Variants in NSMCE1 observed in about 807,000 individuals in gnomAD.
The protein encoded by NSMCE1 is non-structural maintenance of chromosomes element 1 homolog.
A neutral mutation model predicts 29.6 loss-of-function variants in NSMCE1; 18 were observed. That is an observed-to-expected ratio of 0.61 (90% CI 0.42 to 0.90). The LOEUF (loss-of-function observed/expected upper bound fraction) is 0.90, where lower values mean the gene tolerates loss of function less well. NSMCE1 is among the 40% of genes least tolerant of loss of function. NSMCE1 has a pLI of 0.00. For missense variants in NSMCE1, 314 were observed against 343.6 expected (o/e 0.91, Z 0.68); for synonymous variants, 124 against 133.4 (o/e 0.93, Z 0.49).
At chr16:27,236,186 G>C (rs985299960) in intron 2 of NSMCE1, among the ~76,000 whole-genome samples, 1 of 152,178 alleles carries the variant, frequency 6.6e-6, no homozygotes, top group South Asian at 2.1e-4. Context: ...ACAGGAGCCC[G>C]TGGCCGGGGA....
At position 27,229,904 on chromosome 16, in the gene NSMCE1, A is replaced by G. The variant is rs527284272; in HGVS notation, c.484-3068T>C. Among the ~76,000 whole-genome samples the G allele has an allele frequency of 3.9e-5, 6 of 152,282 alleles. No homozygotes were observed. The South Asian group carries it at 8.3e-4, about 21-fold the overall frequency. ...AAGCTGCATTTACTGAACACCTGCT[A>G]TGTGCCTGAAACTGCACCCAAGGCT... is the stretch of plus-strand genomic sequence containing the variant. On this transcript the variant is annotated intron_variant, in intron 5 of 7. Coordinates refer to ENST00000361439, the MANE Select transcript of NSMCE1 (RefSeq NM_145080.4).
intron 4 of NSMCE1, chr16:27,233,847 C>T (rs1325392068): frequency 3.4e-6 from 1 of 292,130 alleles, no homozygotes; most frequent in Non-Finnish European, 6.4e-6. Context: ...TTCTAACAAG[C>T]TCCCAGGCGA....
At position 27,232,195 on chromosome 16, in the gene NSMCE1, A is replaced by G. The variant is rs1265985095; in HGVS notation, c.483+806T>C. Among the ~76,000 whole-genome samples the G allele has an allele frequency of 6.6e-6, 1 of 152,174 alleles. No individual in the cohort carries two copies. The highest frequency in any genetic ancestry group is 6.5e-5 in the Admixed American group (1 of 15,276). On this transcript the variant is annotated intron_variant, in intron 5 of 7. Coordinates refer to ENST00000361439, the MANE Select transcript of NSMCE1 (RefSeq NM_145080.4). The surrounding 1 kb of genome is among the most constrained non-coding windows in gnomAD (Gnocchi z 4.5). ...CCGACCACCAAGTGAGGAAGCGGGG[A>G]CCCGGCGTGAGTGCGTCCTCAACAC...
intron 1 of NSMCE1, among the ~76,000 whole-genome samples, chr16:27,264,567 T>C (rs996873178): frequency 6.6e-6 from 1 of 152,136 alleles, no homozygotes; most frequent in African/African-American, 2.4e-5. Flanking sequence ...CAGGAAAACT[T>C]GTTATCCATA....
chr16:27,225,240 TAGACAGAAA>T lies in NSMCE1; in HGVS notation c.722-13_722-5del. The T allele has an allele frequency of 6.3e-7, 1 of 1,588,242 alleles. No individual in the cohort carries two copies. The highest frequency in any genetic ancestry group is 1.1e-5 in the South Asian group (1 of 88,808). On this transcript the variant is annotated splice_polypyrimidine_tract_variant and splice_region_variant and intron_variant, in intron 7 of 7. Coordinates refer to ENST00000361439, the MANE Select transcript of NSMCE1 (RefSeq NM_145080.4). ...TCCTTCTCAGGGTCGAAGACTTCTGTAGACAGAAAAGGCAGGAAAGACACAGTGAATGGA... is the reference window on the plus strand; with the variant it reads ...TCCTTCTCAGGGTCGAAGACTTCTGTAGGCAGGAAAGACACAGTGAATGGA...
chr16:27,225,201 C>G lies in NSMCE1; in HGVS notation c.757G>C (p.Val253Leu), dbSNP rs1157996756. ...FDPEKERESGVLKSNKKSLRS... is the reference protein window; with the variant it reads ...FDPEKERESGLLKSNKKSLRS... ...AGGGACTTTTTGTTCGATTTCAAGA[C>G]ACCAGACTCCCTCTCCTTCTCAGGG... Residue 253 changes from valine (V) to leucine (L), a missense_variant, in exon 8 of 8, where the codon GTC becomes CTC. By Grantham distance (32) the Val-to-Leu change is conservative. Coordinates refer to ENST00000361439, the MANE Select transcript of NSMCE1 (RefSeq NM_145080.4). The G allele has an allele frequency of 6.2e-7, 1 of 1,607,814 alleles. No individual in the cohort carries two copies. Among genetic ancestry groups the G allele is most frequent in the South Asian group, 1.1e-5 (1 of 89,846 alleles).
intron 1 of NSMCE1, among the ~76,000 whole-genome samples, chr16:27,259,208 T>C (rs1406677719): frequency 1.3e-5 from 2 of 152,110 alleles, no homozygotes; most frequent in African/African-American, 4.8e-5. Flanking sequence ...TCCTTCCACC[T>C]CCTTAGCCCC....
chr16:27,254,441 C>G (rs111576311), intron 2 of NSMCE1, among the ~76,000 whole-genome samples: 1,696 of 152,302 alleles, frequency 0.011, 16 homozygotes, highest in Non-Finnish European at 0.017. Flanking sequence ...CACTTTCAGT[C>G]TTAGTACCAA....
intron 2 of NSMCE1, among the ~76,000 whole-genome samples, chr16:27,245,702 C>T (rs1596685174): frequency 1.3e-5 from 2 of 152,288 alleles, no homozygotes; most frequent in Non-Finnish European, 1.5e-5. Context: ...AGAAATTCAT[C>T]GAGTCACACG....
intron 7 of NSMCE1, 53 bp downstream of exon 7, chr16:27,225,672 GC>G: frequency 6.2e-7 from 1 of 1,607,296 alleles, no homozygotes; most frequent in Non-Finnish European, 8.5e-7. Context: ...CTGGCACCAG[GC>G]CCCACGTCCT....
intron 7 of NSMCE1, 106 bp from the exon 8 acceptor site, chr16:27,225,342 G>A (rs2140982524): frequency 1.4e-6 from 1 of 720,300 alleles, no homozygotes; most frequent in African/African-American, 1.8e-5. Flanking sequence ...GACTGTCCTA[G>A]GTCTACACCA....
At chr16:27,229,063 G>C (rs1190367267) in intron 5 of NSMCE1, among the ~76,000 whole-genome samples, 1 of 152,132 alleles carries the variant, frequency 6.6e-6, no homozygotes, top group African/African-American at 2.4e-5. Context: ...ACCACCCTTA[G>C]GTCCAAGAGC....
intron 5 of NSMCE1, among the ~76,000 whole-genome samples, chr16:27,231,582 A>G (rs2083762842): frequency 6.6e-6 from 1 of 151,968 alleles, no homozygotes; most frequent in African/African-American, 2.4e-5. Context: ...GGTTGCGGTG[A>G]GCCAAGATTG....
chr16:27,263,190 C>A (rs4787420), intron 1 of NSMCE1, among the ~76,000 whole-genome samples: 9,707 of 152,234 alleles, frequency 0.064, 780 homozygotes, highest in African/African-American at 0.19. Flanking sequence ...CAACCCCATT[C>A]CTGGGTATAT....
At chr16:27,233,252 C>T in intron 4 of NSMCE1, 105 bp from the exon 5 acceptor site, 1 of 889,002 alleles carries the variant, frequency 1.1e-6, no homozygotes, top group Non-Finnish European at 1.7e-6. Flanking sequence ...ACTCAGATCA[C>T]AGGCAGAACT....
intron 2 of NSMCE1, chr16:27,241,252 T>C (rs1431792111): frequency 6.6e-6 from 1 of 152,140 alleles, no homozygotes; most frequent in Non-Finnish European, 1.5e-5. Context: ...ATAGTTTTGT[T>C]CTAAACTAGG....
chr16:27,227,124 C>T (rs866581481), intron 5 of NSMCE1, among the ~76,000 whole-genome samples: 4 of 152,244 alleles, frequency 2.6e-5, no homozygotes, highest in African/African-American at 9.6e-5. Context: ...ACGGCAGCCT[C>T]GAGGGAGGCA....
intron 2 of NSMCE1, among the ~76,000 whole-genome samples, chr16:27,252,118 A>T (rs1169785948): frequency 6.6e-6 from 1 of 152,204 alleles, no homozygotes; most frequent in Non-Finnish European, 1.5e-5. Flanking sequence ...CCTGGTACAG[A>T]ACTTCTAAAA....
intron 6 of NSMCE1, 102 bp from the exon 7 acceptor site, chr16:27,225,948 G>A: frequency 7.3e-7 from 1 of 1,371,428 alleles, no homozygotes; most frequent in South Asian, 1.2e-5. Context: ...GTGGCATCGT[G>A]TTATCTTCTG....
Sources: allele counts gnomAD v4.1 joint callset (sites outside exome capture counted in the v4.1 genomes callset), GRCh38; gene constraint gnomAD v4.1.1; non-coding constraint Gnocchi (gnomAD v3.1); transcripts MANE v1.5; gene names NCBI Gene and HGNC (gene_info 2026-07-23, HGNC 2026-07-21).